SYNCRIP: variants seen among roughly 807,000 people sequenced by gnomAD.
SYNCRIP encodes heterogeneous nuclear ribonucleoprotein Q.
A neutral mutation model predicts 68.9 loss-of-function variants in SYNCRIP; 9 were observed. That is an observed-to-expected ratio of 0.13 (90% confidence interval 0.08 to 0.23). The LOEUF (loss-of-function observed/expected upper bound fraction) is 0.23, where lower values mean the gene tolerates loss of function less well. Among genes scored for constraint, SYNCRIP ranks in the 10% least tolerant of loss-of-function variants. The pLI, the probability that SYNCRIP is intolerant of heterozygous loss-of-function variation, is 1.00. For missense variants in SYNCRIP, 414 were observed against 770.6 expected, an observed-to-expected ratio of 0.54 and a Z score of 5.48; for synonymous variants, 258 against 254.0, an observed-to-expected ratio of 1.02 and a Z score of -0.15.
chr6:85,618,679 T>C, intron 10 of SYNCRIP, 139 bp downstream of exon 10: 1 of 627,582 alleles, frequency 1.6e-6, no homozygotes, highest in Non-Finnish European at 2.6e-6. Flanking sequence ...CACTGGTGTT[T>C]CCCTATGACT....
At chr6:85,625,853 C>T (rs548732433) in intron 6 of SYNCRIP, among the ~76,000 whole-genome samples, 64 of 152,258 alleles carry the variant, frequency 4.2e-4, no homozygotes, top group Non-Finnish European at 8.4e-4. Context: ...TAACACAGAC[C>T]AACAGTTCTC....
downstream of SYNCRIP, chr6:85,611,038 T>C (rs1805196619): frequency 3.9e-5 from 6 of 152,056 alleles, no homozygotes; most frequent in Admixed American, 2.6e-4. Context: ...TGAATACTTA[T>C]TGACAAATTT....
At chr6:85,635,665 G>A (rs942757393) in intron 6 of SYNCRIP, among the ~76,000 whole-genome samples, 2 of 150,972 alleles carry the variant, frequency 1.3e-5, no homozygotes, top group Non-Finnish European at 2.9e-5. Flanking sequence ...AGCTACCGGA[G>A]AGGCTGAGGC....
chr6:85,620,996 G>C (rs967494326), intron 8 of SYNCRIP, among the ~76,000 whole-genome samples: 1 of 152,154 alleles, frequency 6.6e-6, no homozygotes, highest in African/African-American at 2.4e-5. Flanking sequence ...AAGGGGGAAG[G>C]ACTGTTCAAA....
Position 85,622,683 on chromosome 6 carries a change from A to G in SYNCRIP, c.807T>C (p.Gly269=). The G allele has an allele frequency of 6.2e-7, 1 of 1,613,794 alleles. No individual in the cohort carries two copies. The highest frequency in any genetic ancestry group is 8.5e-7 in the Non-Finnish European group (1 of 1,179,842). Residue 269 remains glycine (G), a synonymous_variant, in exon 8 of 11, where the codon GGT becomes GGC. Coordinates refer to ENST00000369622, the MANE Select transcript of SYNCRIP (RefSeq NM_006372.5). ...ILEEFSKVTE[G]LTDVILYHQP... is the part of the protein sequence containing the mutation. Reference sequence around the variant, plus strand: ...GGTGGTATAAAATGACGTCTGTAAGACCCTCTGCAAGTAAGCAACCATTCC... The same window carrying G: ...GGTGGTATAAAATGACGTCTGTAAGGCCCTCTGCAAGTAAGCAACCATTCC...
In SYNCRIP at chr6:85,614,797, G is replaced by A; in HGVS notation, c.1831C>T (p.Gln611Ter). 6.2e-7 allele frequency: 1 copy of A among 1,610,872 alleles called. No individual in the cohort carries two copies. Among genetic ancestry groups the A allele is most frequent in the Non-Finnish European group, 8.5e-7 (1 of 1,179,008 alleles). ...CCAAAAGTATCCTGATAAAACTCCT[G>A]GTTTTCAGATTTGTAACCATAGTTA... ...SGNYGYKSEN[Q>*]EFYQDTFGQQ... is the part of the protein sequence containing the mutation. The change falls in exon 11 of 11, where the codon CAG (glutamine) becomes TAG (stop). Residue 611 changes from glutamine (Q) to a stop codon, truncating the protein, a stop_gained. Coordinates refer to ENST00000369622, the MANE Select transcript of SYNCRIP (RefSeq NM_006372.5). LOFTEE classifies it high-confidence loss of function.
intron 6 of SYNCRIP, among the ~76,000 whole-genome samples, chr6:85,633,952 A>G (rs888846100): frequency 2.0e-5 from 3 of 152,206 alleles, no homozygotes; most frequent in African/African-American, 4.8e-5. Context: ...AACAAAATGC[A>G]AAGTCTCCTA....
At chr6:85,619,054 A>G (rs1029417563) in intron 9 of SYNCRIP, 115 bp from the exon 10 acceptor site, 12 of 1,205,254 alleles carry the variant, frequency 1.0e-5, no homozygotes, top group Non-Finnish European at 1.3e-5. Context: ...AGCCCCATGC[A>G]GGCAGTCAAA....
downstream of SYNCRIP, chr6:85,608,250 T>G (rs1371857861): frequency 2.0e-5 from 3 of 152,066 alleles, no homozygotes; most frequent in Non-Finnish European, 4.4e-5. Flanking sequence ...AGATTCCAAG[T>G]GTCTACTTAA....
intron 1 of SYNCRIP, among the ~76,000 whole-genome samples, chr6:85,642,244 G>A (rs897646383): frequency 6.6e-6 from 1 of 152,050 alleles, no homozygotes; most frequent in Non-Finnish European, 1.5e-5. Context: ...CGTGACACAT[G>A]GCTCTCCGCC....
intron 8 of SYNCRIP, among the ~76,000 whole-genome samples, chr6:85,621,775 T>A (rs1164370192): frequency 6.6e-6 from 1 of 152,180 alleles, no homozygotes; most frequent in Non-Finnish European, 1.5e-5. Context: ...TGCAAGCACC[T>A]CTGCTGCGGC....
chr6:85,623,896 G>C, intron 7 of SYNCRIP, 81 bp downstream of exon 7: 1 of 1,521,606 alleles, frequency 6.6e-7, no homozygotes, highest in Non-Finnish European at 9.0e-7. Context: ...AATGTATTTA[G>C]AACAATGCAT....
At chr6:85,623,562 C>CAAAAAAAAAAAAAAAAAA (rs67258131) in intron 7 of SYNCRIP, among the ~76,000 whole-genome samples, 16 of 63,256 alleles carry the variant, frequency 2.5e-4, no homozygotes, top group African/African-American at 1.1e-3. Context: ...AGACTGTCTC[C>CAAAAAAAAAAAAAAAAAA]AAAAAAAAAA....
intron 2 of SYNCRIP, 123 bp from the exon 3 acceptor site, chr6:85,640,687 GA>G (rs76289266): frequency 0.031 from 11,870 of 380,434 alleles, 84 homozygotes; most frequent in African/African-American, 0.061. Context: ...ATCTATACCT[GA>G]AAAAAAAAAA....
chr6:85,640,638 C>T lies in SYNCRIP; in HGVS notation c.149-74G>A. On this transcript the variant is annotated intron_variant, in intron 2 of 10. Transcript: ENST00000369622. ...TTTAGAGAAGACTATGTTGGCAATA[C>T]AGGTACATGTGTGCCTTTACAATTC... 3.5e-6 allele frequency: 3 copies of T among 856,750 alleles called. No homozygotes were observed. In the South Asian group the frequency reaches 5.8e-5, roughly 17 times the overall value. The allele number at this position is 856,750 out of a possible 1,614,324, so 53.1% of individuals were successfully genotyped here.
At chr6:85,617,616 T>C (rs1805933196) in intron 10 of SYNCRIP, among the ~76,000 whole-genome samples, 1 of 152,248 alleles carries the variant, frequency 6.6e-6, no homozygotes, top group Non-Finnish European at 1.5e-5. Flanking sequence ...AGCTATTACA[T>C]AATTTTGTCT....
intron 4 of SYNCRIP, among the ~76,000 whole-genome samples, chr6:85,637,844 G>C (rs1400850560): frequency 6.6e-6 from 1 of 152,002 alleles, no homozygotes; most frequent in Non-Finnish European, 1.5e-5. Context: ...AGAAACTTGG[G>C]AGCTACAGGG....
intron 6 of SYNCRIP, among the ~76,000 whole-genome samples, chr6:85,633,338 T>C (rs1157888641): frequency 6.6e-6 from 1 of 152,018 alleles, no homozygotes; most frequent in African/African-American, 2.4e-5. Context: ...GGCTCACACC[T>C]GTACTCCCAG....
rs1292566242 is a variant in SYNCRIP at position 85,642,885 on chromosome 6, G to A, written c.-101C>T. ...TCGCTGCTCCCTGTGTCCGGCGCGA[G>A]TGGAGCTGTTGTAAAATGGCGGCCG... On this transcript the variant is annotated 5_prime_UTR_variant, in exon 1 of 11. Coordinates refer to ENST00000369622, the MANE Select transcript of SYNCRIP (RefSeq NM_006372.5). The A allele has an allele frequency of 1.3e-5, 2 of 152,678 alleles. No individual in the cohort carries two copies. Among genetic ancestry groups the A allele is most frequent in the East Asian group, 3.9e-4 (2 of 5,174 alleles). 9.5% of individuals were successfully genotyped at this position (152,678 alleles called of 1,614,324 possible). A position where few individuals can be genotyped will look rare whatever the true frequency, so the allele number is the denominator to read the frequency against.
Sources: allele counts gnomAD v4.1 joint callset (sites outside exome capture counted in the v4.1 genomes callset), GRCh38; gene constraint gnomAD v4.1.1; transcripts MANE v1.5; gene names NCBI Gene and HGNC (gene_info 2026-07-23, HGNC 2026-07-21).